Variants in MRAS observed in about 807,000 individuals in gnomAD.
The protein encoded by MRAS is ras-related protein M-Ras.
Under a neutral mutation model 20.9 loss-of-function variants are expected in MRAS, and 4 were observed. The ratio of observed to expected loss-of-function variants is 0.19; its 90% CI spans 0.09 to 0.44. MRAS has a LOEUF of 0.44. Ranked by LOEUF, MRAS falls within the 20% of genes least tolerant of loss-of-function variation. MRAS has a pLI of 0.99. For synonymous variants in MRAS, 98 were observed against 102.9 expected (o/e 0.95, Z 0.29); for missense variants, 154 against 277.5 (o/e 0.56, Z 3.16).
At chr3:138,399,132 G>A (rs1203056826) in intron 4 of MRAS, among the ~76,000 whole-genome samples, 3 of 152,240 alleles carry the variant, frequency 2.0e-5, no homozygotes, top group African/African-American at 7.2e-5. Flanking sequence ...GGAGAAAGTG[G>A]AAAGTGTGCC....
chr3:138,376,436 A>G (rs146843422), intron 2 of MRAS, among the ~76,000 whole-genome samples: 311 of 152,306 alleles, frequency 2.0e-3, no homozygotes, highest in African/African-American at 6.8e-3. Flanking sequence ...GAGAGCAGGG[A>G]CTTTATTTAC....
intron 2 of MRAS, among the ~76,000 whole-genome samples, chr3:138,380,137 ATTTG>A (rs1204494064): frequency 6.6e-6 from 1 of 152,140 alleles, no homozygotes; most frequent in African/African-American, 2.4e-5. Flanking sequence ...CCTGCTATCC[ATTTG>A]TTTGTCTCTG....
chr3:138,351,635 A>G (rs1488748083), intron 1 of MRAS, among the ~76,000 whole-genome samples: 1 of 152,206 alleles, frequency 6.6e-6, no homozygotes, highest in African/African-American at 2.4e-5. Flanking sequence ...ACAAAACCCA[A>G]ATAACAGTAA....
intron 2 of MRAS, among the ~76,000 whole-genome samples, chr3:138,381,587 C>T (rs2054905695): frequency 6.6e-6 from 1 of 152,190 alleles, no homozygotes; most frequent in Admixed American, 6.5e-5. Context: ...TTGCATCTTT[C>T]TTCCATCGGT....
intron 4 of MRAS, among the ~76,000 whole-genome samples, chr3:138,399,827 C>T (rs2055321649): frequency 6.6e-6 from 1 of 152,296 alleles, no homozygotes; most frequent in South Asian, 2.1e-4. Flanking sequence ...GTGTCCTGAC[C>T]TCATAGAGCC....
intron 4 of MRAS, among the ~76,000 whole-genome samples, chr3:138,399,492 T>C (rs2055313544): frequency 1.3e-5 from 2 of 152,172 alleles, no homozygotes; most frequent in Admixed American, 1.3e-4. Flanking sequence ...TGGTTTGTGT[T>C]CTGGGCAATG....
At chr3:138,381,845 T>A (rs2054911978) in intron 2 of MRAS, among the ~76,000 whole-genome samples, 1 of 152,184 alleles carries the variant, frequency 6.6e-6, no homozygotes, top group African/African-American at 2.4e-5. Context: ...CCCCACACAC[T>A]TGAATCCACA....
chr3:138,384,866 G>A (rs2054977894), intron 2 of MRAS, among the ~76,000 whole-genome samples: 1 of 152,228 alleles, frequency 6.6e-6, no homozygotes, highest in South Asian at 2.1e-4. Context: ...GCTTCACAAA[G>A]GCAGGGACCA....
chr3:138,376,621 A>G (rs2054788387), intron 2 of MRAS, among the ~76,000 whole-genome samples: 1 of 152,262 alleles, frequency 6.6e-6, no homozygotes, highest in African/African-American at 2.4e-5. Context: ...ATAAGTATAT[A>G]TAACTATTAA....
chr3:138,389,872 A>G (rs1370358525), intron 2 of MRAS, among the ~76,000 whole-genome samples: 1 of 151,700 alleles, frequency 6.6e-6, no homozygotes, highest in Non-Finnish European at 1.5e-5. Flanking sequence ...TCTTGACCGT[A>G]CCCTGGGCTA....
At chr3:138,370,961 A>G (rs150925493) in intron 1 of MRAS, among the ~76,000 whole-genome samples, 132 of 152,252 alleles carry the variant, frequency 8.7e-4, no homozygotes, top group African/African-American at 2.9e-3. Flanking sequence ...GTTAGTGAAT[A>G]TCTTCCTTTT....
At chr3:138,387,650 G>A (rs1040074387) in intron 2 of MRAS, among the ~76,000 whole-genome samples, 1 of 152,160 alleles carries the variant, frequency 6.6e-6, no homozygotes, top group Admixed American at 6.5e-5. Flanking sequence ...GTTTCTCTGC[G>A]CTGCCAGGCC....
chr3:138,387,622 G>A (rs1381333828), intron 2 of MRAS, among the ~76,000 whole-genome samples: 3 of 152,162 alleles, frequency 2.0e-5, no homozygotes, highest in Non-Finnish European at 4.4e-5. Flanking sequence ...ATAGGCCAGC[G>A]CTCCCAGTTG....
At chr3:138,370,211 C>T (rs758454965) in intron 1 of MRAS, among the ~76,000 whole-genome samples, 1 of 152,082 alleles carries the variant, frequency 6.6e-6, no homozygotes, top group South Asian at 2.1e-4. Context: ...CCCAGCTACT[C>T]GGGAGGCTAA....
At chr3:138,354,753 T>A (rs1267037524) in intron 1 of MRAS, among the ~76,000 whole-genome samples, 3 of 152,222 alleles carry the variant, frequency 2.0e-5, no homozygotes, top group Admixed American at 6.5e-5. Context: ...TATTCTCTTT[T>A]TATAATTATA....
chr3:138,384,534 A>G (rs1292284039), intron 2 of MRAS, among the ~76,000 whole-genome samples: 1 of 152,218 alleles, frequency 6.6e-6, no homozygotes, highest in East Asian at 1.9e-4. Flanking sequence ...TAGGAAGAAC[A>G]GTGAAAAACA....
intron 4 of MRAS, among the ~76,000 whole-genome samples, chr3:138,399,622 G>A (rs1318602598): frequency 1.3e-5 from 2 of 152,156 alleles, no homozygotes; most frequent in African/African-American, 2.4e-5. Flanking sequence ...ATAATGAAAG[G>A]CATTAATTTT....
rs973003365 is a variant in MRAS, at chr3:138,404,133, A to G, written c.*1864A>G. ...TATAGTGTTAAGAGGTATTTTAAAC[A>G]CTAAAAGGACAAAGCTCTTCCCAAT... On this transcript the variant is annotated 3_prime_UTR_variant, in exon 6 of 6. Coordinates refer to ENST00000423968, the MANE Select transcript of MRAS (RefSeq NM_001085049.3). The G allele has an allele frequency of 6.6e-6, 1 of 152,252 alleles. No individual in the cohort carries two copies. The highest frequency in any genetic ancestry group is 2.4e-5 in the African/African-American group (1 of 41,452). The allele number at this position is 152,252 out of a possible 1,614,324, so 9.4% of individuals were successfully genotyped here. A position where few individuals can be genotyped will look rare whatever the true frequency, so the allele number is the denominator to read the frequency against.
intron 2 of MRAS, among the ~76,000 whole-genome samples, chr3:138,378,771 G>T (rs542163946): frequency 6.6e-6 from 1 of 152,214 alleles, no homozygotes; most frequent in South Asian, 2.1e-4. Context: ...ATCTCTAAGT[G>T]CATAGTGCAT....
Sources: gnomAD v4.1 joint callset for allele counts (sites outside exome capture counted in the v4.1 genomes callset) on GRCh38, gnomAD v4.1.1 for gene constraint, MANE v1.5 for transcripts, NCBI Gene and HGNC (gene_info 2026-07-23, HGNC 2026-07-21) for gene names.